Variants in CASP8 observed in about 807,000 individuals in gnomAD.
CASP8 encodes the protein caspase 8.
Under a neutral mutation model 46.3 loss-of-function variants are expected in CASP8, and 24 were observed. The observed-to-expected ratio is 0.52, with a 90% CI of 0.38 to 0.73. The LOEUF (loss-of-function observed/expected upper bound fraction) is 0.73. CASP8 is among the 30% of genes least tolerant of loss of function. The pLI is 0.00. For missense variants in CASP8, 460 were observed against 559.0 expected (o/e 0.82, Z 1.79); for synonymous variants, 188 against 200.4 (o/e 0.94, Z 0.52).
chr2:201,256,668 G>GT (rs1175584048), upstream of CASP8, among the ~76,000 whole-genome samples: 1 of 152,194 alleles, frequency 6.6e-6, no homozygotes. Flanking sequence ...TTGACTCCAT[G>GT]TAACTGTCTG....
At chr2:201,279,105 C>T (rs1576356616) in intron 7 of CASP8, among the ~76,000 whole-genome samples, 1 of 152,152 alleles carries the variant, frequency 6.6e-6, no homozygotes, top group Non-Finnish European at 1.5e-5. Context: ...TGGAAAAATT[C>T]AGCAATTGGA....
In CASP8 at chr2:201,287,475, A is replaced by G. The variant is rs1195626171; in HGVS notation, c.*881A>G. On this transcript the variant is annotated 3_prime_UTR_variant, in exon 9 of 9. Coordinates refer to ENST00000673742, the MANE Select transcript of CASP8 (RefSeq NM_001372051.1). Reference sequence around the variant, plus strand: ...TTCAAATGATTTTTACAAGTTTTAAATAAGCTCTCCCCAAACTTGCTTTAT... The same window carrying G: ...TTCAAATGATTTTTACAAGTTTTAAGTAAGCTCTCCCCAAACTTGCTTTAT... 6.5e-6 allele frequency: 1 copy of G among 154,798 alleles called. No individual in the cohort carries two copies. Among genetic ancestry groups the G allele is most frequent in the Non-Finnish European group, 1.5e-5 (1 of 68,228 alleles). 9.6% of individuals were successfully genotyped at this position (154,798 alleles called of 1,614,324 possible).
chr2:201,235,365 A>G (rs1271627615), intron 2 of CASP8, among the ~76,000 whole-genome samples: 1 of 152,118 alleles, frequency 6.6e-6, no homozygotes, highest in Non-Finnish European at 1.5e-5. Context: ...TCTGGAAGGT[A>G]CTTTTCTTAA....
At chr2:201,252,307 C>T (rs979133684) in intron 2 of CASP8, among the ~76,000 whole-genome samples, 5 of 151,906 alleles carry the variant, frequency 3.3e-5, no homozygotes, top group South Asian at 2.1e-4. Context: ...GACAGAGTCT[C>T]GCTCTGTCAC....
At position 201,272,557 on chromosome 2, in the gene CASP8, T is replaced by C. The variant is rs1948336946; in HGVS notation, c.412-81T>C. 13 of 1,520,230 alleles carry C rather than the reference T, an allele frequency of 8.6e-6. No individual in the cohort carries two copies. The highest frequency in any genetic ancestry group is 6.8e-5 in the East Asian group (3 of 44,370). The allele number at this position is 1,520,230 out of a possible 1,614,324, so 94.2% of individuals were successfully genotyped here. On this transcript the variant is annotated intron_variant, in intron 3 of 8. Coordinates refer to ENST00000673742, the MANE Select transcript of CASP8 (RefSeq NM_001372051.1). This position sits in a 1 kb window ranked among gnomAD's most constrained non-coding sequence, Gnocchi z 4.4. ...AAGGGCAGGTCCTTGGTTGGAGAAA[T>C]TGGAAATTAAAAAAAAAAATCTAAT...
rs369598429 is a variant in CASP8 at position 201,261,656 on chromosome 2, C to T, written c.-27+1043C>T. ...TGCAGAATGGATGTCTGTCAGGTTC[C>T]GGGGCAGCCCGCAGTCTGAGGCAGC... is the stretch of plus-strand genomic sequence containing the variant. On this transcript the variant is annotated intron_variant, in intron 1 of 8. Coordinates refer to ENST00000673742, the MANE Select transcript of CASP8 (RefSeq NM_001372051.1). Among the ~76,000 whole-genome samples the T allele has an allele frequency of 2.1e-4, 32 of 152,220 alleles. 1 individual carries two copies. Among genetic ancestry groups the T allele is most frequent in the African/African-American group, 7.2e-4 (30 of 41,524 alleles).
chr2:201,272,565 TAAA>T lies in CASP8; in HGVS notation c.412-64_412-62del. Reference sequence around the variant, plus strand: ...GTCCTTGGTTGGAGAAATTGGAAATTAAAAAAAAAAATCTAATCTAAAAACCAG... The same window carrying T: ...GTCCTTGGTTGGAGAAATTGGAAATTAAAAAAAATCTAATCTAAAAACCAG... On this transcript the variant is annotated intron_variant, in intron 3 of 8. Coordinates refer to ENST00000673742, the MANE Select transcript of CASP8 (RefSeq NM_001372051.1). The surrounding 1 kb of genome is among the most constrained non-coding windows in gnomAD (Gnocchi z 4.4). The T allele has an allele frequency of 7.8e-7, 1 of 1,281,960 alleles. No individual in the cohort carries two copies. The highest frequency in any genetic ancestry group is 1.1e-6 in the Non-Finnish European group (1 of 930,904). 79.4% of individuals were successfully genotyped at this position (1,281,960 alleles called of 1,614,324 possible). A position where few individuals can be genotyped will look rare whatever the true frequency, so the allele number is the denominator to read the frequency against.
chr2:201,281,809 T>A, intron 7 of CASP8: 1 of 1,393,468 alleles, frequency 7.2e-7, no homozygotes, highest in Non-Finnish European at 9.6e-7. Context: ...ACAATAACAC[T>A]CTCTCCTTTC....
At chr2:201,283,215 G>A (rs1226699744) in intron 7 of CASP8, among the ~76,000 whole-genome samples, 3 of 80,944 alleles carry the variant, frequency 3.7e-5, no homozygotes, top group African/African-American at 1.3e-4. Flanking sequence ...CTGGCCAGGC[G>A]GGGGGCTGAC....
At chr2:201,257,873 T>G, upstream of CASP8, 1 of 311,044 alleles carries the variant, frequency 3.2e-6, no homozygotes, top group South Asian at 2.7e-5. Flanking sequence ...CCGACAGGGG[T>G]TATTATTACT....
chr2:201,236,837 C>A (rs1946068738), intron 2 of CASP8, among the ~76,000 whole-genome samples: 1 of 152,218 alleles, frequency 6.6e-6, no homozygotes, highest in Non-Finnish European at 1.5e-5. Context: ...AACTCCTGGG[C>A]TCAAGCTATC....
chr2:201,283,198 G>A (rs1176871745), intron 7 of CASP8, among the ~76,000 whole-genome samples: 4 of 78,440 alleles, frequency 5.1e-5, no homozygotes, highest in African/African-American at 1.3e-4. Context: ...CCTCCTGGAC[G>A]GGGCGGCTGG....
intron 2 of CASP8, chr2:201,242,692 C>CTA (rs746817840): frequency 2.0e-5 from 3 of 152,034 alleles, no homozygotes; most frequent in Non-Finnish European, 2.9e-5. Flanking sequence ...AAAAAAACCT[C>CTA]TGAAGTATAA....
At chr2:201,238,795 T>G (rs988800005) in intron 2 of CASP8, among the ~76,000 whole-genome samples, 4 of 152,096 alleles carry the variant, frequency 2.6e-5, no homozygotes, top group Non-Finnish European at 5.9e-5. Context: ...TAATTGATCA[T>G]TCTTGGGTGT....
At chr2:201,282,546 G>T (rs1002330198) in intron 7 of CASP8, among the ~76,000 whole-genome samples, 4 of 110,130 alleles carry the variant, frequency 3.6e-5, no homozygotes, top group Admixed American at 3.2e-4. Context: ...CCCAGATGGG[G>T]CGGCTGGCCG....
chr2:201,241,269 GA>G (rs1423885003), intron 2 of CASP8: 2 of 152,016 alleles, frequency 1.3e-5, no homozygotes, highest in African/African-American at 2.4e-5. Flanking sequence ...AATAACAAAA[GA>G]ATTGGTTTTT....
At chr2:201,247,483 ATT>A (rs34493196) in intron 2 of CASP8, among the ~76,000 whole-genome samples, 3,581 of 137,128 alleles carry the variant, frequency 0.026, 123 homozygotes, top group African/African-American at 0.083. Flanking sequence ...AGCACAACCT[ATT>A]TTTTTTTTTT....
intron 2 of CASP8, among the ~76,000 whole-genome samples, chr2:201,248,022 C>T (rs555420941): frequency 3.7e-4 from 56 of 152,234 alleles, no homozygotes; most frequent in Non-Finnish European, 6.8e-4. Context: ...TCAAGTGATC[C>T]ACCTGCCTCA....
intron 2 of CASP8, among the ~76,000 whole-genome samples, chr2:201,268,907 CTT>C (rs1337618324): frequency 7.9e-5 from 9 of 113,506 alleles, no homozygotes; most frequent in South Asian, 2.8e-4. Flanking sequence ...ATGGCCTCAT[CTT>C]TGTGTGTGTG....
Sources: gnomAD v4.1 joint callset for allele counts (sites outside exome capture counted in the v4.1 genomes callset) on GRCh38, gnomAD v4.1.1 for gene constraint, Gnocchi (gnomAD v3.1) non-coding constraint, MANE v1.5 for transcripts, NCBI Gene and HGNC (gene_info 2026-07-23, HGNC 2026-07-21) for gene names.